HERC1: variants seen among roughly 807,000 people sequenced by gnomAD.
HERC1 encodes the protein probable E3 ubiquitin-protein ligase HERC1.
A neutral mutation model predicts 554.3 loss-of-function variants in HERC1; 160 were observed. That is an observed-to-expected ratio of 0.29 (90% confidence interval 0.25 to 0.33). The LOEUF is 0.33. Ranked by LOEUF, HERC1 falls within the 10% of genes least tolerant of loss-of-function variation. The probability of loss-of-function intolerance (pLI) is 1.00; values close to 1 mark genes in which losing one functional copy is unlikely to be tolerated. For synonymous variants in HERC1, 2,175 were observed against 2,131.7 expected, an observed-to-expected ratio of 1.02 and a Z score of -0.56; for missense variants, 4,919 against 5,918.5, an observed-to-expected ratio of 0.83 and a Z score of 5.54.
chr15:63,723,520 T>G (rs1211018741), intron 18 of HERC1, among the ~76,000 whole-genome samples, 165 bp from the exon 19 acceptor site: 1 of 152,212 alleles, frequency 6.6e-6, no homozygotes, highest in Non-Finnish European at 1.5e-5. Flanking sequence ...GGAGGTAGTA[T>G]CAACCCTTTT....
At chr15:63,693,864 T>C in intron 30 of HERC1, 100 bp downstream of exon 30, 1 of 1,211,750 alleles carries the variant, frequency 8.3e-7, no homozygotes, top group Non-Finnish European at 1.1e-6. Flanking sequence ...AATCCCATCA[T>C]ACCTCATAAG....
intron 69 of HERC1, 145 bp from the exon 70 acceptor site, chr15:63,628,960 T>C (rs2068427927): frequency 1.3e-6 from 1 of 759,284 alleles, no homozygotes; most frequent in African/African-American, 1.8e-5. Context: ...ATTCTTTTTT[T>C]TTTTTTTTGA....
intron 37 of HERC1, among the ~76,000 whole-genome samples, chr15:63,676,648 C>T (rs1567001160): frequency 1.3e-5 from 2 of 152,022 alleles, no homozygotes; most frequent in Admixed American, 1.3e-4. Context: ...CCCAGCTACT[C>T]GGAAGACTGA....
intron 25 of HERC1, among the ~76,000 whole-genome samples, chr15:63,706,030 CAAAAAAAAA>C (rs35213471): frequency 8.5e-5 from 4 of 46,804 alleles, no homozygotes; most frequent in African/African-American, 3.4e-4. Context: ...ACCCTGTCTC[CAAAAAAAAA>C]AAAAAAAAAA....
intron 69 of HERC1, among the ~76,000 whole-genome samples, chr15:63,629,420 G>A (rs1405794421): frequency 6.6e-6 from 1 of 152,186 alleles, no homozygotes; most frequent in Non-Finnish European, 1.5e-5. Context: ...GGAAAGTTAA[G>A]TAATAACAGA....
At chr15:63,678,570 CCT>C (rs774797767) in intron 36 of HERC1, among the ~76,000 whole-genome samples, 11 of 152,020 alleles carry the variant, frequency 7.2e-5, no homozygotes, top group East Asian at 3.9e-4. Context: ...AATAAGCTGC[CCT>C]GTTATTTACA....
chr15:63,665,568 A>G (rs1217751128), intron 42 of HERC1, among the ~76,000 whole-genome samples: 2 of 152,246 alleles, frequency 1.3e-5, no homozygotes, highest in Non-Finnish European at 2.9e-5. Flanking sequence ...CAAATACATT[A>G]AATCAATGTC....
intron 66 of HERC1, among the ~76,000 whole-genome samples, chr15:63,634,433 T>A (rs1341209743): frequency 6.6e-6 from 1 of 152,240 alleles, no homozygotes; most frequent in South Asian, 2.1e-4. Context: ...GCTACTAGTA[T>A]CTGTATTTTT....
At chr15:63,715,336 T>C (rs1450587463) in intron 22 of HERC1, among the ~76,000 whole-genome samples, 2 of 152,358 alleles carry the variant, frequency 1.3e-5, no homozygotes, top group African/African-American at 2.4e-5. Flanking sequence ...TTGAGGGTTA[T>C]ACTTTACTAT....
rs34484871 is a variant in HERC1 at position 63,690,546 on chromosome 15, C to T, written c.5932G>A (p.Ala1978Thr). 1 of 1,594,852 alleles carries T rather than the reference C, an allele frequency of 6.3e-7. No individual in the cohort carries two copies. Among genetic ancestry groups the T allele is most frequent in the Non-Finnish European group, 8.6e-7 (1 of 1,168,612 alleles). ...CESGVEDDQMAQIVERLFSLL... is the reference protein window; with the variant it reads ...CESGVEDDQMTQIVERLFSLL... ...ATAATTTTAAAAATAAAAACCTGGGCCATTTGATCATCTTCTACACCAGAT... is the reference window on the plus strand; with the variant it reads ...ATAATTTTAAAAATAAAAACCTGGGTCATTTGATCATCTTCTACACCAGAT... Residue 1978 changes from alanine (A) to threonine (T), a missense_variant, in exon 32 of 78, where the codon GCC becomes ACC. Ala to Thr is a moderately conservative substitution (Grantham distance 58, BLOSUM62 0). Around this residue, in one of 11 missense-constraint regions of HERC1, gnomAD observed 1,121 missense variants for 1,244.0 expected, o/e 0.90. Transcript: ENST00000443617.
rs774633591 is a variant in HERC1, at chr15:63,640,207, G to T, written c.11846C>A (p.Ser3949Tyr). ...ALTNGAQFPE[S>Y]FTVPDLEPVP... Reference sequence around the variant, plus strand: ...AGGTTCTAGATCTGGAACGGTAAAAGATTCTGGAAACTGGGCTCCATTGGT... The same window carrying T: ...AGGTTCTAGATCTGGAACGGTAAAATATTCTGGAAACTGGGCTCCATTGGT... The change falls in exon 61 of 78, where the codon TCT becomes TAT. Residue 3949 changes from serine (S) to tyrosine (Y), a missense_variant. This residue lies in a region of HERC1 where 1,963 missense variants were observed against 2,228.6 expected (regional missense o/e 0.88). Transcript: ENST00000443617. The T allele has an allele frequency of 1.7e-5, 27 of 1,613,976 alleles. No homozygotes were observed. The highest frequency in any genetic ancestry group is 2.3e-5 in the Non-Finnish European group (27 of 1,179,850).
At chr15:63,774,010 G>A (rs187155091) in intron 2 of HERC1, among the ~76,000 whole-genome samples, 53 of 152,070 alleles carry the variant, frequency 3.5e-4, no homozygotes, top group Non-Finnish European at 4.4e-5. Context: ...CTGACAACAC[G>A]CTCTTCACAG....
At chr15:63,784,723 T>A (rs2143579528) in intron 1 of HERC1, among the ~76,000 whole-genome samples, 1 of 152,222 alleles carries the variant, frequency 6.6e-6, no homozygotes, top group African/African-American at 2.4e-5. Context: ...CTCTCCTGCC[T>A]CAGCCTCCCA....
intron 1 of HERC1, among the ~76,000 whole-genome samples, chr15:63,829,907 A>G (rs2078098979): frequency 6.6e-6 from 1 of 152,190 alleles, no homozygotes; most frequent in Non-Finnish European, 1.5e-5. Flanking sequence ...ATTATAATCC[A>G]TAGAAAATAG....
At chr15:63,793,551 G>T (rs546852733) in intron 1 of HERC1, among the ~76,000 whole-genome samples, 1 of 152,294 alleles carries the variant, frequency 6.6e-6, no homozygotes, top group South Asian at 2.1e-4. Flanking sequence ...TTCACCCCTT[G>T]TTTAGTATAT....
intron 22 of HERC1, 106 bp from the exon 23 acceptor site, chr15:63,713,771 G>A: frequency 2.1e-6 from 2 of 958,320 alleles, no homozygotes; most frequent in Non-Finnish European, 3.0e-6. Context: ...CTTACTGAAA[G>A]AGGGAAAAAT....
At chr15:63,741,409 C>T (rs998756573) in intron 12 of HERC1, among the ~76,000 whole-genome samples, 1 of 151,988 alleles carries the variant, frequency 6.6e-6, no homozygotes, top group Admixed American at 6.6e-5. Context: ...ACTGCAACCT[C>T]CGCTTCCTGG....
chr15:63,784,762 C>T (rs113183225), intron 1 of HERC1, among the ~76,000 whole-genome samples: 5 of 152,154 alleles, frequency 3.3e-5, no homozygotes, highest in East Asian at 3.9e-4. Flanking sequence ...TGGCTGCCAC[C>T]GCATCCAGCT....
At chr15:63,737,765 G>A (rs937450726) in intron 12 of HERC1, among the ~76,000 whole-genome samples, 1 of 151,548 alleles carries the variant, frequency 6.6e-6, no homozygotes, top group Admixed American at 6.6e-5. Flanking sequence ...AGGACAAGAA[G>A]AACTTGCTAT....
Sources: allele counts gnomAD v4.1 joint callset (sites outside exome capture counted in the v4.1 genomes callset), GRCh38; gene constraint gnomAD v4.1.1; regional missense constraint gnomAD v4.1.1; transcripts MANE v1.5; gene names NCBI Gene and HGNC (gene_info 2026-07-23, HGNC 2026-07-21).